The following PDS5B variants were observed in gnomAD, a reference collection of about 807,000 sequenced individuals.
The protein encoded by PDS5B is PDS5 cohesin associated factor B, also known as sister chromatid cohesion protein PDS5 homolog B.
Under a neutral mutation model 184.1 loss-of-function variants are expected in PDS5B, and 51 were observed. The ratio of observed to expected loss-of-function variants is 0.28; its 90% confidence interval spans 0.22 to 0.35. The LOEUF is 0.35. Among genes scored for constraint, PDS5B ranks in the 10% least tolerant of loss-of-function variants. PDS5B has a pLI of 1.00. For synonymous variants in PDS5B, 566 were observed against 569.2 expected (o/e 0.99, Z 0.08); for missense variants, 1,180 against 1,723.3 (o/e 0.68, Z 5.58).
intron 23 of PDS5B, 39 bp downstream of exon 23, chr13:32,742,766 A>G (rs1342568390): frequency 6.4e-7 from 1 of 1,574,272 alleles, no homozygotes; most frequent in African/African-American, 1.4e-5. Context: ...GGATTGCATA[A>G]TATTTCAGCT....
intron 19 of PDS5B, among the ~76,000 whole-genome samples, chr13:32,726,041 A>C (rs1227388870): frequency 1.3e-5 from 2 of 151,888 alleles, no homozygotes; most frequent in African/African-American, 2.4e-5. Flanking sequence ...TTTTTTAATT[A>C]TATGAAATGT....
In PDS5B at chr13:32,759,642, C is replaced by A. The variant is rs1252403319; in HGVS notation, c.3324C>A (p.Thr1108=). The A allele has an allele frequency of 6.4e-7, 1 of 1,552,590 alleles. No homozygotes were observed. The highest frequency in any genetic ancestry group is 8.8e-7 in the Non-Finnish European group (1 of 1,134,418). The part of the protein sequence containing the change: ...FTQPDKNFSN[T]KNYLPPEMKS... The stretch of plus-strand genomic sequence containing the variant: ...CTTGGTTGTAGAATTTCAGTAACAC[C>A]AAAAATTATCTGCCTCCTGAAATGA... The change falls in exon 29 of 35, where the codon ACC becomes ACA. Residue 1108 remains threonine, a synonymous_variant. Coordinates refer to ENST00000315596, the MANE Select transcript of PDS5B (RefSeq NM_015032.4).
chr13:32,681,583 G>T (rs1002694560), intron 10 of PDS5B, among the ~76,000 whole-genome samples: 1 of 151,206 alleles, frequency 6.6e-6, no homozygotes, highest in Non-Finnish European at 1.5e-5. Context: ...GAGAGATCGC[G>T]CCACTGCACC....
intron 23 of PDS5B, among the ~76,000 whole-genome samples, chr13:32,743,207 T>C (rs1953621957): frequency 6.6e-6 from 1 of 152,094 alleles, no homozygotes; most frequent in Admixed American, 6.6e-5. Flanking sequence ...AGTGTAGTGA[T>C]TGAAAACTAC....
intron 17 of PDS5B, among the ~76,000 whole-genome samples, chr13:32,705,282 A>G (rs2140881605): frequency 6.6e-6 from 1 of 152,308 alleles, no homozygotes; most frequent in Middle Eastern, 3.4e-3. Flanking sequence ...TCCTGCGTAT[A>G]TCTAGGTTAA....
intron 14 of PDS5B, among the ~76,000 whole-genome samples, chr13:32,696,495 C>T (rs1301166716): frequency 6.6e-6 from 1 of 151,658 alleles, no homozygotes; most frequent in Non-Finnish European, 1.5e-5. Flanking sequence ...ATGACCATGC[C>T]TTATAATTCT....
chr13:32,674,382 T>A (rs1951013983), intron 8 of PDS5B, among the ~76,000 whole-genome samples: 1 of 152,152 alleles, frequency 6.6e-6, no homozygotes. Flanking sequence ...CTTCTTATAT[T>A]CTGGAGTAGT....
intron 3 of PDS5B, 48 bp downstream of exon 3, chr13:32,652,055 ATCTT>A (rs1379644394): frequency 3.1e-6 from 4 of 1,285,268 alleles, no homozygotes; most frequent in Non-Finnish European, 4.5e-6. Flanking sequence ...ACTTTGATTT[ATCTT>A]TCTAACTAAA....
At chr13:32,771,049 C>T in intron 33 of PDS5B, 1 of 271,802 alleles carries the variant, frequency 3.7e-6, no homozygotes, top group South Asian at 8.7e-5. Flanking sequence ...TAAATAATCA[C>T]CACACATTGA....
At chr13:32,667,369 C>T (rs932109757) in intron 6 of PDS5B, among the ~76,000 whole-genome samples, 7 of 152,144 alleles carry the variant, frequency 4.6e-5, no homozygotes, top group African/African-American at 1.7e-4. Context: ...GGATGCCCAT[C>T]GCTGCCCACA....
In PDS5B at chr13:32,777,935, T is replaced by C. The variant is rs1376770625; in HGVS notation, c.*2883T>C. On this transcript the variant is annotated 3_prime_UTR_variant, in exon 35 of 35. Transcript: ENST00000315596. Reference sequence around the variant, plus strand: ...GCCATCACATAGTATTATGTCACCATAATGAACAATTGCTATTTAAATAGA... The same window carrying C: ...GCCATCACATAGTATTATGTCACCACAATGAACAATTGCTATTTAAATAGA... The C allele has an allele frequency of 6.6e-6, 1 of 152,436 alleles. No individual in the cohort carries two copies. Among genetic ancestry groups the C allele is most frequent in the Non-Finnish European group, 1.5e-5 (1 of 67,870 alleles). 9.4% of individuals were successfully genotyped at this position (152,436 alleles called of 1,614,324 possible). A position where few individuals can be genotyped will look rare whatever the true frequency, so the allele number is the denominator to read the frequency against.
chr13:32,760,461 A>G (rs1954345144), intron 29 of PDS5B, 114 bp from the exon 30 acceptor site: 8 of 977,900 alleles, frequency 8.2e-6, no homozygotes, highest in Non-Finnish European at 1.2e-5. Context: ...GGATAGACAC[A>G]TTTTTCATGA....
At chr13:32,692,002 C>T (rs746965056) in intron 13 of PDS5B, among the ~76,000 whole-genome samples, 5 of 152,038 alleles carry the variant, frequency 3.3e-5, no homozygotes, top group South Asian at 2.1e-4. Flanking sequence ...TATTGCAACA[C>T]CTGTTCCTCT....
intron 1 of PDS5B, among the ~76,000 whole-genome samples, chr13:32,587,945 A>G (rs1397113046): frequency 6.6e-6 from 1 of 152,222 alleles, no homozygotes; most frequent in African/African-American, 2.4e-5. Flanking sequence ...TTGTGTTTAC[A>G]TACAGGAGGC....
At chr13:32,664,184 G>A (rs376978765) in intron 6 of PDS5B, among the ~76,000 whole-genome samples, 1 of 152,130 alleles carries the variant, frequency 6.6e-6, no homozygotes, top group Non-Finnish European at 1.5e-5. Context: ...TATAGTAGGT[G>A]TGTTATATTA....
intron 28 of PDS5B, among the ~76,000 whole-genome samples, chr13:32,758,892 A>C (rs1189638851): frequency 6.6e-6 from 1 of 152,180 alleles, no homozygotes; most frequent in Non-Finnish European, 1.5e-5. Flanking sequence ...ATGTGATCAA[A>C]GCATGTGAAT....
intron 1 of PDS5B, among the ~76,000 whole-genome samples, chr13:32,624,415 C>T (rs1354830534): frequency 1.3e-5 from 2 of 152,028 alleles, no homozygotes; most frequent in Non-Finnish European, 2.9e-5. Context: ...ATCTGCTTGA[C>T]CTGTCCATTG....
At chr13:32,702,112 A>T (rs1008115380) in intron 17 of PDS5B, among the ~76,000 whole-genome samples, 1 of 152,106 alleles carries the variant, frequency 6.6e-6, no homozygotes, top group African/African-American at 2.4e-5. Context: ...AGTCATCAGT[A>T]GTGTTCTTTG....
chr13:32,770,984 G>C, intron 33 of PDS5B: 1 of 518,194 alleles, frequency 1.9e-6, no homozygotes, highest in Non-Finnish European at 3.4e-6. Flanking sequence ...ATACCAAATA[G>C]TATATTATTT....
Sources: gnomAD v4.1 joint callset for allele counts (sites outside exome capture counted in the v4.1 genomes callset) on GRCh38, gnomAD v4.1.1 for gene constraint, MANE v1.5 for transcripts, NCBI Gene and HGNC (gene_info 2026-07-23, HGNC 2026-07-21) for gene names.